The following ZNF333 variants were observed in gnomAD, a reference collection of about 807,000 sequenced individuals.
ZNF333 encodes the protein zinc finger protein 333.
Under a neutral mutation model 76.1 loss-of-function variants are expected in ZNF333, and 61 were observed. The ratio of observed to expected loss-of-function variants is 0.80; its 90% CI spans 0.65 to 0.99. The LOEUF (loss-of-function observed/expected upper bound fraction) is 0.99, where lower values mean the gene tolerates loss of function less well. Among genes scored for constraint, ZNF333 ranks in the 50% least tolerant of loss-of-function variants. The probability of loss-of-function intolerance (pLI) is 0.00; values close to 1 mark genes in which losing one functional copy is unlikely to be tolerated. For synonymous variants in ZNF333, 284 were observed against 305.0 expected (o/e 0.93, Z 0.72); for missense variants, 717 against 822.4 (o/e 0.87, Z 1.57).
chr19:14,711,111 C>G (rs369984133), intron 7 of ZNF333, among the ~76,000 whole-genome samples: 5 of 152,158 alleles, frequency 3.3e-5, no homozygotes, highest in African/African-American at 1.2e-4. Flanking sequence ...CCCCAAGTCC[C>G]GCCTCCGACA....
downstream of ZNF333, chr19:14,722,035 T>A (rs2042595295): frequency 6.6e-6 from 1 of 152,226 alleles, no homozygotes; most frequent in Non-Finnish European, 1.5e-5. Context: ...CATTTACACC[T>A]CAATTTGTAC....
At chr19:14,703,061 G>A (rs2042005014) in intron 5 of ZNF333, among the ~76,000 whole-genome samples, 3 of 151,880 alleles carry the variant, frequency 2.0e-5, no homozygotes, top group Admixed American at 1.3e-4. Context: ...AAAATTAGCC[G>A]GGCGTGGTGG....
At chr19:14,722,351 G>A (rs2042599854), downstream of ZNF333, among the ~76,000 whole-genome samples, 1 of 152,208 alleles carries the variant, frequency 6.6e-6, no homozygotes, top group Non-Finnish European at 1.5e-5. Context: ...AAACATGACA[G>A]AAGCAGAGGC....
At chr19:14,695,530 C>G in intron 3 of ZNF333, 36 bp from the exon 4 acceptor site, 2 of 1,596,876 alleles carry the variant, frequency 1.3e-6, no homozygotes, top group African/African-American at 1.3e-5. Flanking sequence ...TGCAAGCCCT[C>G]TCTCTCTCAG....
chr19:14,722,871 C>T (rs7247849), downstream of ZNF333, among the ~76,000 whole-genome samples: 4,721 of 152,238 alleles, frequency 0.031, 235 homozygotes, highest in African/African-American at 0.098. Flanking sequence ...CCGCAACCTC[C>T]GCCTCCCCGG....
chr19:14,706,666 A>G lies in ZNF333; in HGVS notation c.424-20A>G, dbSNP rs2042119000. The G allele has an allele frequency of 5.0e-6, 8 of 1,607,328 alleles. No individual in the cohort carries two copies. The highest frequency in any genetic ancestry group is 1.3e-5 in the African/African-American group (1 of 74,698). ...CTCAGCTTCTTGACTCTAATCTGTGACCCCTGTCACTCTGTCCAGGGACTG... is the reference window on the plus strand; with the variant it reads ...CTCAGCTTCTTGACTCTAATCTGTGGCCCCTGTCACTCTGTCCAGGGACTG... On this transcript the variant is annotated intron_variant, in intron 6 of 11. Transcript: ENST00000292530.
At chr19:14,699,338 G>A (rs1310788492) in intron 5 of ZNF333, 57 bp downstream of exon 5, 1 of 1,484,634 alleles carries the variant, frequency 6.7e-7, no homozygotes, top group Non-Finnish European at 9.4e-7. Flanking sequence ...AGGAACACGT[G>A]AGGTGGAAAT....
At chr19:14,698,559 A>G (rs62125492) in intron 4 of ZNF333, among the ~76,000 whole-genome samples, 17,917 of 150,272 alleles carry the variant, frequency 0.12, 1,245 homozygotes, top group African/African-American at 0.2. Context: ...ATAAAAAGTA[A>G]AGAAAACATG....
rs2042311208 is a variant in ZNF333 at position 14,712,634 on chromosome 19, A to G, written c.512-2748A>G. Reference sequence around the variant, plus strand: ...ATGGCTCGGGGGGGAGGATCCTGCCACCTGCTTTCTAACAGTGGCCTGCAG... The same window carrying G: ...ATGGCTCGGGGGGGAGGATCCTGCCGCCTGCTTTCTAACAGTGGCCTGCAG... On this transcript the variant is annotated intron_variant, in intron 7 of 11. Coordinates refer to ENST00000292530, the MANE Select transcript of ZNF333 (RefSeq NM_032433.4). 1.3e-5 allele frequency among the ~76,000 whole-genome samples: 2 copies of G among 152,000 alleles called. 1 individual carries two copies. Among genetic ancestry groups the G allele is most frequent in the South Asian group, 4.2e-4 (2 of 4,818 alleles).
Position 14,717,113 on chromosome 19 carries a change from G to T in ZNF333, c.823+24G>T, listed in dbSNP as rs754246652. ...AGGTGAGCCCAGGCAGATCAGGTGA[G>T]CATCAGCTCTGGTCAGTAAGGGGAG... On this transcript the variant is annotated intron_variant, in intron 10 of 11. Transcript: ENST00000292530. The T allele has an allele frequency of 3.2e-6, 5 of 1,581,928 alleles. No homozygotes were observed. In the Admixed American group the frequency reaches 8.8e-5, roughly 28 times the overall value.
chr19:14,726,536 G>A (rs1163611814), downstream of ZNF333, among the ~76,000 whole-genome samples: 1 of 152,080 alleles, frequency 6.6e-6, no homozygotes, highest in Non-Finnish European at 1.5e-5. Flanking sequence ...TAAATATAAT[G>A]TTCAACTTTA....
At chr19:14,706,940 G>A (rs2146984510) in intron 7 of ZNF333, 167 bp downstream of exon 7, 1 of 555,936 alleles carries the variant, frequency 1.8e-6, no homozygotes, top group South Asian at 2.7e-5. Flanking sequence ...TGTTTAAGTG[G>A]GAGGGCACTT....
chr19:14,722,439 T>G (rs1568564111), downstream of ZNF333, among the ~76,000 whole-genome samples: 1 of 152,248 alleles, frequency 6.6e-6, no homozygotes, highest in Non-Finnish European at 1.5e-5. Context: ...TCTAAGTCCT[T>G]TGACCATTTT....
chr19:14,703,578 A>G (rs2042025474), intron 5 of ZNF333, among the ~76,000 whole-genome samples: 1 of 152,206 alleles, frequency 6.6e-6, no homozygotes, highest in East Asian at 1.9e-4. Flanking sequence ...CTGGGAGGAC[A>G]GGGCACACCA....
intron 5 of ZNF333, among the ~76,000 whole-genome samples, chr19:14,700,515 G>C (rs1229261424): frequency 5.3e-5 from 8 of 152,186 alleles, no homozygotes; most frequent in Non-Finnish European, 1.5e-5. Context: ...GACCAGTCTA[G>C]ATCCCACACT....
chr19:14,694,804 G>T (rs188384970), intron 2 of ZNF333, among the ~76,000 whole-genome samples: 1 of 152,190 alleles, frequency 6.6e-6, no homozygotes, highest in African/African-American at 2.4e-5. Context: ...CAGTTCTGCC[G>T]TTGTGGCCTC....
At chr19:14,699,982 C>T (rs999190747) in intron 5 of ZNF333, among the ~76,000 whole-genome samples, 14 of 151,932 alleles carry the variant, frequency 9.2e-5, no homozygotes, top group South Asian at 4.2e-4. Flanking sequence ...CAGATATTGG[C>T]GAGCTTTCCA....
At chr19:14,717,792 C>T (rs534300565) in intron 11 of ZNF333, 59 bp downstream of exon 11, 31 of 1,543,420 alleles carry the variant, frequency 2.0e-5, no homozygotes, top group East Asian at 9.0e-5. Context: ...TGGGGTTAAC[C>T]GTAAGTTAGA....
Position 14,720,971 on chromosome 19 carries a change from C to T in ZNF333, c.*1646C>T, listed in dbSNP as rs929466748. 1.1e-6 allele frequency: 1 copy of T among 911,452 alleles called. No individual in the cohort carries two copies. Among genetic ancestry groups the T allele is most frequent in the African/African-American group, 1.8e-5 (1 of 55,690 alleles). 56.5% of individuals were successfully genotyped at this position (911,452 alleles called of 1,614,324 possible). ...TTTTTACATTTCCAACAAATTGTTACTTTTATTCTTATAAAGTGATCATCC... is the reference window on the plus strand; with the variant it reads ...TTTTTACATTTCCAACAAATTGTTATTTTTATTCTTATAAAGTGATCATCC... On this transcript the variant is annotated 3_prime_UTR_variant, in exon 12 of 12. Transcript: ENST00000292530.
Sources: gnomAD v4.1 joint callset for allele counts (sites outside exome capture counted in the v4.1 genomes callset) on GRCh38, gnomAD v4.1.1 for gene constraint, MANE v1.5 for transcripts, NCBI Gene and HGNC (gene_info 2026-07-23, HGNC 2026-07-21) for gene names.